UBR1: variants seen among roughly 807,000 people sequenced by gnomAD.
The protein encoded by UBR1 is E3 ubiquitin-protein ligase UBR1.
UBR1 carries 102 observed loss-of-function variants against 242.1 expected under a neutral mutation model. The ratio of observed to expected loss-of-function variants is 0.42; its 90% confidence interval spans 0.36 to 0.50. The LOEUF (loss-of-function observed/expected upper bound fraction) is 0.50, where lower values mean the gene tolerates loss of function less well. Ranked by LOEUF, UBR1 falls within the 20% of genes least tolerant of loss-of-function variation. The probability of loss-of-function intolerance (pLI) is 0.01; values close to 1 mark genes in which losing one functional copy is unlikely to be tolerated. For synonymous variants in UBR1, 675 were observed against 684.8 expected (o/e 0.99, Z 0.22); for missense variants, 1,772 against 2,101.8 (o/e 0.84, Z 3.07).
chr15:43,063,434 C>T (rs1348378098), intron 6 of UBR1, among the ~76,000 whole-genome samples: 1 of 152,160 alleles, frequency 6.6e-6, no homozygotes, highest in Non-Finnish European at 1.5e-5. Context: ...AATCCTACCA[C>T]AATAATATAT....
At chr15:43,022,167 GTTT>G (rs1349643367) in intron 26 of UBR1, among the ~76,000 whole-genome samples, 1 of 151,948 alleles carries the variant, frequency 6.6e-6, no homozygotes, top group Admixed American at 6.6e-5. Flanking sequence ...GTCTCCTATT[GTTT>G]TTATAATCAA....
chr15:42,979,443 T>C (rs1003954032), intron 37 of UBR1, among the ~76,000 whole-genome samples: 2 of 152,182 alleles, frequency 1.3e-5, no homozygotes, highest in African/African-American at 4.8e-5. Context: ...GCTTCCAGTA[T>C]TGGCTGTGAC....
intron 1 of UBR1, among the ~76,000 whole-genome samples, chr15:43,094,580 C>T (rs753630052): frequency 2.2e-4 from 33 of 151,938 alleles, no homozygotes; most frequent in Admixed American, 1.0e-3. Context: ...GCAAGCAAAG[C>T]ATTCTTTGGC....
At chr15:43,074,286 G>C (rs1231922442) in intron 4 of UBR1, among the ~76,000 whole-genome samples, 1 of 151,540 alleles carries the variant, frequency 6.6e-6, no homozygotes, top group South Asian at 2.1e-4. Context: ...TCCTTGACTG[G>C]GATATATCTA....
chr15:43,038,775 A>G (rs1170967771), intron 15 of UBR1, among the ~76,000 whole-genome samples: 1 of 152,220 alleles, frequency 6.6e-6, no homozygotes, highest in Non-Finnish European at 1.5e-5. Context: ...GTCTCTCAAG[A>G]TACCTTTATT....
At chr15:42,995,416 T>C (rs189606047) in intron 33 of UBR1, among the ~76,000 whole-genome samples, 31 of 151,748 alleles carry the variant, frequency 2.0e-4, no homozygotes, top group Non-Finnish European at 3.8e-4. Flanking sequence ...TCCCAGCACT[T>C]TGGGAGGCCG....
At chr15:42,972,999 C>T (rs1157315812) in intron 39 of UBR1, among the ~76,000 whole-genome samples, 1 of 152,190 alleles carries the variant, frequency 6.6e-6, no homozygotes, top group Non-Finnish European at 1.5e-5. Flanking sequence ...CACATACTTG[C>T]CAGCATTTGG....
chr15:43,011,217 T>A (rs1363995793), intron 29 of UBR1, among the ~76,000 whole-genome samples: 2 of 151,210 alleles, frequency 1.3e-5, no homozygotes, highest in Non-Finnish European at 2.9e-5. Flanking sequence ...TATGAGAGAA[T>A]ATATTTGAGA....
intron 3 of UBR1, among the ~76,000 whole-genome samples, chr15:43,077,458 G>A (rs985983577): frequency 1.6e-4 from 25 of 151,604 alleles, no homozygotes; most frequent in African/African-American, 9.7e-5. Context: ...CAGCATGCTC[G>A]TTAAGAGTCA....
chr15:42,947,821 G>T (rs1475781402), intron 46 of UBR1, among the ~76,000 whole-genome samples: 2 of 152,170 alleles, frequency 1.3e-5, no homozygotes, highest in Non-Finnish European at 2.9e-5. Flanking sequence ...CACGCTCATG[G>T]GTAGGAAGAA....
intron 6 of UBR1, among the ~76,000 whole-genome samples, chr15:43,064,830 A>G (rs993728454): frequency 6.6e-6 from 1 of 152,090 alleles, no homozygotes; most frequent in Non-Finnish European, 1.5e-5. Flanking sequence ...TCAGCCTCCC[A>G]AAGTGCTGGA....
intron 1 of UBR1, among the ~76,000 whole-genome samples, chr15:43,096,271 T>C (rs1006704402): frequency 2.0e-5 from 3 of 152,018 alleles, no homozygotes; most frequent in Non-Finnish European, 2.9e-5. Flanking sequence ...CCTGCCGGAT[T>C]GAAGCAATTC....
chr15:43,066,693 G>C (rs903006498), intron 6 of UBR1, among the ~76,000 whole-genome samples: 54 of 152,182 alleles, frequency 3.5e-4, no homozygotes, highest in African/African-American at 1.3e-3. Context: ...TGTATTCCTA[G>C]GTATTTTATT....
At chr15:43,005,794 C>A (rs1427238901) in intron 30 of UBR1, among the ~76,000 whole-genome samples, 1 of 151,072 alleles carries the variant, frequency 6.6e-6, no homozygotes, top group East Asian at 1.9e-4. Flanking sequence ...TTACCCCCAA[C>A]CCCGTGCTCT....
At chr15:43,045,638 A>G (rs777816038) in intron 14 of UBR1, among the ~76,000 whole-genome samples, 2 of 152,238 alleles carry the variant, frequency 1.3e-5, no homozygotes, top group Non-Finnish European at 2.9e-5. Context: ...ATATACACAC[A>G]TACACACTTA....
At position 42,976,805 on chromosome 15, in the gene UBR1, A is replaced by G. The variant is rs772837188; in HGVS notation, c.4281T>C (p.Ser1427=). ...GGTGGTTATAGGAAGAACTAACTGA[A>G]GAAGGCTGCAGATCAACAGGGTCAT... ...YWDDPVDLQP[S]SVSSSYNHLY... The change falls in exon 39 of 47, where the codon TCT becomes TCC. Residue 1427 remains serine (S), a synonymous_variant. Coordinates refer to ENST00000290650, the MANE Select transcript of UBR1 (RefSeq NM_174916.3). 9.3e-6 allele frequency: 15 copies of G among 1,614,160 alleles called. No homozygotes were observed. The South Asian group carries it at 1.6e-4, about 18-fold the overall frequency.
chr15:43,094,658 C>T (rs1456487118), intron 1 of UBR1, among the ~76,000 whole-genome samples: 1 of 152,072 alleles, frequency 6.6e-6, no homozygotes, highest in Non-Finnish European at 1.5e-5. Context: ...ATGTAAGAGA[C>T]CTAGTCCTAT....
chr15:43,013,592 G>A (rs2032958477), intron 29 of UBR1, among the ~76,000 whole-genome samples: 1 of 152,190 alleles, frequency 6.6e-6, no homozygotes, highest in Admixed American at 6.5e-5. Flanking sequence ...TAAGTGAACT[G>A]ATGTGTAAAT....
intron 1 of UBR1, among the ~76,000 whole-genome samples, chr15:43,101,714 C>A (rs771929132): frequency 1.6e-4 from 25 of 152,100 alleles, no homozygotes; most frequent in Non-Finnish European, 2.9e-5. Flanking sequence ...TGCCTATAAT[C>A]CCAGCAATTT....
Sources: gnomAD v4.1 joint callset for allele counts (sites outside exome capture counted in the v4.1 genomes callset) on GRCh38, gnomAD v4.1.1 for gene constraint, MANE v1.5 for transcripts, NCBI Gene and HGNC (gene_info 2026-07-23, HGNC 2026-07-21) for gene names.